SLC26A5: variants seen among roughly 807,000 people sequenced by gnomAD.
The protein encoded by SLC26A5 is solute carrier family 26 member 5, also known as prestin.
A neutral mutation model predicts 81.0 loss-of-function variants in SLC26A5; 51 were observed. The ratio of observed to expected loss-of-function variants is 0.63; its 90% confidence interval spans 0.50 to 0.80. The LOEUF (loss-of-function observed/expected upper bound fraction) is 0.80. Ranked by LOEUF, SLC26A5 falls within the 30% of genes least tolerant of loss-of-function variation. The pLI is 0.00. For synonymous variants in SLC26A5, 325 were observed against 332.8 expected (o/e 0.98, Z 0.25); for missense variants, 771 against 905.8 (o/e 0.85, Z 1.91).
At chr7:103,433,434 T>C (rs1826221487) in intron 2 of SLC26A5, 1 of 152,226 alleles carries the variant, frequency 6.6e-6, no homozygotes, top group South Asian at 2.1e-4. Context: ...TTGCTAGAAG[T>C]GCCATCATCA....
downstream of SLC26A5, among the ~76,000 whole-genome samples, chr7:103,371,895 C>T (rs546801373): frequency 1.3e-5 from 2 of 151,954 alleles, no homozygotes; most frequent in South Asian, 4.2e-4. Flanking sequence ...CAGGGTTTCA[C>T]CATGATGGCC....
Position 103,366,062 on chromosome 7 carries a change from A to G in SLC26A5, c.2041+10746T>C, listed in dbSNP as rs1195297469. 1.9e-6 allele frequency: 3 copies of G among 1,591,062 alleles called. No homozygotes were observed. The African/African-American group carries it at 4.1e-5, about 22-fold the overall frequency. On this transcript the variant is annotated intron_variant, in intron 19 of 19. Transcript: ENST00000339444. ...GAAACCAATTTTGAATTAATAAATC[A>G]TTTTTCTCATTAGGGGGCTCGAATG...
intron 19 of SLC26A5, chr7:103,368,537 G>A (rs1820843335): frequency 6.6e-6 from 1 of 152,456 alleles, no homozygotes. Flanking sequence ...TTAGGCGTAT[G>A]ACCACATGCA....
At chr7:103,435,179 C>T (rs1826360883) in intron 2 of SLC26A5, 1 of 151,974 alleles carries the variant, frequency 6.6e-6, no homozygotes, top group Non-Finnish European at 1.5e-5. Context: ...TTTCTGATTG[C>T]TCTTTCTGAA....
At chr7:103,378,823 T>C (rs756764630) in intron 16 of SLC26A5, among the ~76,000 whole-genome samples, 2 of 152,154 alleles carry the variant, frequency 1.3e-5, no homozygotes, top group East Asian at 3.8e-4. Context: ...ATCTGTCAGG[T>C]TGTTATATTT....
intron 2 of SLC26A5, among the ~76,000 whole-genome samples, chr7:103,427,472 T>C (rs1252077765): frequency 6.6e-6 from 1 of 152,170 alleles, no homozygotes; most frequent in Non-Finnish European, 1.5e-5. Flanking sequence ...GTAAGAGGCT[T>C]ATCCAAAAAT....
intron 2 of SLC26A5, among the ~76,000 whole-genome samples, chr7:103,440,738 G>A (rs907826959): frequency 6.6e-6 from 1 of 152,188 alleles, no homozygotes; most frequent in Admixed American, 6.5e-5. Flanking sequence ...CTGGAGAGGT[G>A]GGGGCTGAGC....
At chr7:103,382,506 T>C (rs1003750831) in intron 14 of SLC26A5, among the ~76,000 whole-genome samples, 6 of 151,858 alleles carry the variant, frequency 4.0e-5, no homozygotes, top group Non-Finnish European at 8.8e-5. Flanking sequence ...TGCGCCACCA[T>C]GCCCAGCTAA....
chr7:103,374,999 T>C (rs1176940535), intron 19 of SLC26A5, among the ~76,000 whole-genome samples: 1 of 148,114 alleles, frequency 6.8e-6, no homozygotes, highest in Non-Finnish European at 1.5e-5. Context: ...TTTATATATT[T>C]GGGGATAAGA....
At chr7:103,388,588 G>A (rs1257151128) in intron 14 of SLC26A5, 3 of 331,778 alleles carry the variant, frequency 9.0e-6, no homozygotes, top group Non-Finnish European at 1.8e-5. Flanking sequence ...GTGGTTCAGG[G>A]TGGAGGAAAT....
At chr7:103,382,780 TATA>T (rs72106573) in intron 14 of SLC26A5, among the ~76,000 whole-genome samples, 8,932 of 152,188 alleles carry the variant, frequency 0.059, 868 homozygotes, top group African/African-American at 0.2. Flanking sequence ...TTAATAATAT[TATA>T]ATAATAGTTA....
At chr7:103,365,054 G>A (rs1014736387) in intron 19 of SLC26A5, among the ~76,000 whole-genome samples, 3 of 148,666 alleles carry the variant, frequency 2.0e-5, no homozygotes, top group Admixed American at 6.8e-5. Context: ...TTTACAATAA[G>A]AATTAGCTAC....
chr7:103,406,692 G>A (rs781398010), intron 8 of SLC26A5, among the ~76,000 whole-genome samples: 1 of 152,058 alleles, frequency 6.6e-6, no homozygotes, highest in Admixed American at 6.5e-5. Flanking sequence ...ATCTTGCTTT[G>A]TCACCCAGGC....
At chr7:103,357,601 T>A (rs1820110837) in intron 19 of SLC26A5, among the ~76,000 whole-genome samples, 1 of 152,188 alleles carries the variant, frequency 6.6e-6, no homozygotes, top group Non-Finnish European at 1.5e-5. Context: ...ACCTTTCCTA[T>A]CCCCTCATCC....
intron 19 of SLC26A5, among the ~76,000 whole-genome samples, chr7:103,365,173 T>C (rs891926486): frequency 1.3e-5 from 2 of 151,900 alleles, no homozygotes; most frequent in African/African-American, 4.8e-5. Context: ...TTTACTCAAG[T>C]TTTACTAATT....
Position 103,421,274 on chromosome 7 carries a change from TCAC to T in SLC26A5, c.152+86_152+88del, listed in dbSNP as rs1418973584. ...CTCAGCATTCATTTTTCTCTCCACT[TCAC>T]CAAACAGATTTTCTTTACACATTTG... On this transcript the variant is annotated intron_variant, in intron 3 of 19. Coordinates refer to ENST00000306312, the MANE Select transcript of SLC26A5 (RefSeq NM_198999.3). 1.0e-5 allele frequency: 15 copies of T among 1,445,226 alleles called. No individual in the cohort carries two copies. The Admixed American group carries it at 2.7e-4, about 26-fold the overall frequency. 89.5% of individuals were successfully genotyped at this position (1,445,226 alleles called of 1,614,324 possible).
At chr7:103,383,214 G>A (rs1486319106) in intron 14 of SLC26A5, among the ~76,000 whole-genome samples, 1 of 152,214 alleles carries the variant, frequency 6.6e-6, no homozygotes, top group African/African-American at 2.4e-5. Flanking sequence ...GAGACTCAAA[G>A]TGCTGTCCAT....
At chr7:103,363,481 A>G in intron 19 of SLC26A5, 1 of 1,538,618 alleles carries the variant, frequency 6.5e-7, no homozygotes, top group Non-Finnish European at 9.0e-7. Flanking sequence ...TTGTATAAAG[A>G]TGTCTTTTGT....
At chr7:103,418,608 T>C (rs1476138795) in intron 4 of SLC26A5, among the ~76,000 whole-genome samples, 2 of 152,200 alleles carry the variant, frequency 1.3e-5, no homozygotes, top group Non-Finnish European at 2.9e-5. Context: ...TTTTGTATAA[T>C]AGATTTAATA....
Sources: allele counts gnomAD v4.1 joint callset (sites outside exome capture counted in the v4.1 genomes callset), GRCh38; gene constraint gnomAD v4.1.1; transcripts MANE v1.5; gene names NCBI Gene and HGNC (gene_info 2026-07-23, HGNC 2026-07-21).